HS6ST2: variants seen among roughly 807,000 people sequenced by gnomAD.
HS6ST2 encodes the protein heparan sulfate 6-O-sulfotransferase 2, also known as heparan-sulfate 6-O-sulfotransferase 2.
HS6ST2 carries 17 observed loss-of-function variants against 33.0 expected under a neutral mutation model. That is an observed-to-expected ratio of 0.52 (90% CI 0.35 to 0.77). The LOEUF (loss-of-function observed/expected upper bound fraction) is 0.77. Ranked by LOEUF, HS6ST2 falls within the 30% of genes least tolerant of loss-of-function variation. HS6ST2 has a pLI of 0.01. For missense variants in HS6ST2, 519 were observed against 551.7 expected, an observed-to-expected ratio of 0.94 and a Z score of 0.59; for synonymous variants, 248 against 237.1, an observed-to-expected ratio of 1.05 and a Z score of -0.42.
At chrX:132,915,287 T>C (rs2066574087) in intron 2 of HS6ST2, among the ~76,000 whole-genome samples, 1 of 112,500 alleles carries the variant, frequency 8.9e-6, no homozygotes, top group African/African-American at 3.2e-5. Context: ...CACCAACTTG[T>C]AGTTGAAATC....
chrX:132,658,399 C>A (rs770306172), intron 4 of HS6ST2, among the ~76,000 whole-genome samples: 2 of 112,432 alleles, frequency 1.8e-5, no homozygotes, highest in African/African-American at 3.2e-5. Flanking sequence ...CTATATTTGG[C>A]AGTCTCTGGC....
intron 2 of HS6ST2, among the ~76,000 whole-genome samples, chrX:132,902,616 G>C (rs111377683): frequency 8.9e-5 from 10 of 112,083 alleles, no homozygotes; most frequent in African/African-American, 2.9e-4. Context: ...CTCATTGTAT[G>C]TAGGGTGAAA....
At chrX:132,932,626 A>G (rs2066784716) in intron 2 of HS6ST2, among the ~76,000 whole-genome samples, 1 of 110,724 alleles carries the variant, frequency 9.0e-6, no homozygotes, top group East Asian at 2.8e-4. Flanking sequence ...TGACCCATAC[A>G]CAAGAGAAAA....
intron 2 of HS6ST2, among the ~76,000 whole-genome samples, chrX:132,956,527 C>G (rs1168286805): frequency 2.7e-5 from 3 of 112,296 alleles, no homozygotes; most frequent in Admixed American, 1.9e-4. Context: ...CCAGCGGCCC[C>G]GTTCCGGCCG....
chrX:132,679,755 G>T (rs768178323), intron 3 of HS6ST2, among the ~76,000 whole-genome samples: 227 of 108,409 alleles, frequency 2.1e-3, no homozygotes, highest in South Asian at 6.0e-3. Flanking sequence ...CCACGCCTGG[G>T]GGGGGGCCAG....
chrX:132,825,118 C>G (rs974523289), intron 2 of HS6ST2, among the ~76,000 whole-genome samples: 2 of 111,922 alleles, frequency 1.8e-5, no homozygotes, highest in Admixed American at 9.5e-5. Flanking sequence ...TCTGACACTT[C>G]TAAAACTGTG....
chrX:132,866,361 A>G (rs1435410764), intron 2 of HS6ST2, among the ~76,000 whole-genome samples: 6 of 101,460 alleles, frequency 5.9e-5, no homozygotes, highest in African/African-American at 2.2e-4. Context: ...TACCAGTACC[A>G]TGCTGTTTTG....
chrX:132,743,752 C>G (rs12688037), intron 2 of HS6ST2, among the ~76,000 whole-genome samples: 15,110 of 111,110 alleles, frequency 0.14, 886 homozygotes, highest in East Asian at 0.29. Flanking sequence ...GCACCAATTG[C>G]AGCGTTTTTT....
At chrX:132,641,979 C>A (rs923564073) in intron 4 of HS6ST2, among the ~76,000 whole-genome samples, 1 of 111,975 alleles carries the variant, frequency 8.9e-6, no homozygotes, top group Non-Finnish European at 1.9e-5. Flanking sequence ...TAGCTGGACA[C>A]CATTTTAGAC....
chrX:132,647,424 G>A (rs1405246307), intron 4 of HS6ST2, among the ~76,000 whole-genome samples: 1 of 111,608 alleles, frequency 9.0e-6, no homozygotes, highest in Non-Finnish European at 1.9e-5. Flanking sequence ...CTGAAATAAG[G>A]CCCAGAGGTG....
intron 2 of HS6ST2, among the ~76,000 whole-genome samples, chrX:132,947,395 T>C (rs2066968551): frequency 9.0e-6 from 1 of 111,172 alleles, no homozygotes; most frequent in Non-Finnish European, 1.9e-5. Flanking sequence ...AAATCAGATT[T>C]TATAATTTCT....
chrX:132,723,126 T>C (rs1357670838), intron 2 of HS6ST2, among the ~76,000 whole-genome samples: 1 of 111,158 alleles, frequency 9.0e-6, no homozygotes, highest in East Asian at 2.8e-4. Flanking sequence ...GACTGAACCA[T>C]GAGGAAATCC....
intron 2 of HS6ST2, among the ~76,000 whole-genome samples, chrX:132,815,481 C>A (rs971190422): frequency 8.9e-6 from 1 of 111,848 alleles, no homozygotes; most frequent in African/African-American, 3.2e-5. Context: ...CAAATCCACG[C>A]AGTCTGGCTC....
At chrX:132,646,663 G>C (rs187635072) in intron 4 of HS6ST2, among the ~76,000 whole-genome samples, 1 of 111,365 alleles carries the variant, frequency 9.0e-6, no homozygotes, top group Non-Finnish European at 1.9e-5. Context: ...ACCGTGCAAC[G>C]TAAGAGCCTT....
intron 2 of HS6ST2, among the ~76,000 whole-genome samples, chrX:132,757,034 T>C (rs765153031): frequency 5.4e-5 from 6 of 111,316 alleles, no homozygotes; most frequent in African/African-American, 2.0e-4. Flanking sequence ...CGTAAAGCCC[T>C]GGGGGTAAAA....
intron 2 of HS6ST2, among the ~76,000 whole-genome samples, chrX:132,926,405 C>T (rs2148482636): frequency 9.0e-6 from 1 of 111,509 alleles, no homozygotes; most frequent in African/African-American, 3.3e-5. Flanking sequence ...TAAGTAGGGC[C>T]TTCTCACCAT....
intron 2 of HS6ST2, among the ~76,000 whole-genome samples, chrX:132,831,992 C>T (rs2065594770): frequency 9.0e-6 from 1 of 111,327 alleles, no homozygotes; most frequent in Admixed American, 9.6e-5. Context: ...TACAGGTAGG[C>T]CAAAGAAGCA....
intron 3 of HS6ST2, among the ~76,000 whole-genome samples, chrX:132,690,821 C>T (rs1363510127): frequency 4.5e-5 from 5 of 111,651 alleles, no homozygotes; most frequent in Non-Finnish European, 7.5e-5. Context: ...TCTCAGCCCT[C>T]TTTTTAAAAA....
In HS6ST2 at chrX:132,958,196, T is replaced by C. The variant is rs1227411618; in HGVS notation, c.407A>G (p.Lys136Arg). ...GTACCTGGCCATGGGGCCGAAAATCTTGGAGAAGATCGCACCGAGCACGTG... is the reference window on the plus strand; with the variant it reads ...GTACCTGGCCATGGGGCCGAAAATCCTGGAGAAGATCGCACCGAGCACGTG... ...LKHVLGAIFSKIFGPMASVGN... is the reference protein window; with the variant it reads ...LKHVLGAIFSRIFGPMASVGN... The change falls in exon 1 of 5, where the codon AAG becomes AGG. Residue 136 changes from lysine to arginine, a missense_variant. Physicochemically the swap from Lys to Arg is conservative, Grantham distance 26. Transcript: ENST00000370833. 8.7e-7 allele frequency: 1 copy of C among 1,152,613 alleles called. No individual in the cohort carries two copies. Among genetic ancestry groups the C allele is most frequent in the East Asian group, 3.0e-5 (1 of 32,801 alleles). 95.0% of individuals were successfully genotyped at this position (1,152,613 alleles called of 1,213,427 possible). A position where few individuals can be genotyped will look rare whatever the true frequency, so the allele number is the denominator to read the frequency against.
Sources: allele counts gnomAD v4.1 joint callset (sites outside exome capture counted in the v4.1 genomes callset), GRCh38; gene constraint gnomAD v4.1.1; transcripts MANE v1.5; gene names NCBI Gene and HGNC (gene_info 2026-07-23, HGNC 2026-07-21).